The following ATPAF1 variants were observed in gnomAD, a reference collection of about 807,000 sequenced individuals.
ATPAF1 encodes homolog of yeast ATP11.
Under a neutral mutation model 43.9 loss-of-function variants are expected in ATPAF1, and 26 were observed. The ratio of observed to expected loss-of-function variants is 0.59; its 90% CI spans 0.43 to 0.82. The LOEUF (loss-of-function observed/expected upper bound fraction) is 0.82, where lower values mean the gene tolerates loss of function less well. ATPAF1 is among the 40% of genes least tolerant of loss of function. ATPAF1 has a pLI of 0.00. For missense variants in ATPAF1, 366 were observed against 435.0 expected (o/e 0.84, Z 1.41); for synonymous variants, 157 against 168.0 (o/e 0.93, Z 0.50).
intron 4 of ATPAF1, among the ~76,000 whole-genome samples, chr1:46,656,024 A>T (rs1486469550): frequency 1.3e-5 from 2 of 152,212 alleles, no homozygotes; most frequent in Non-Finnish European, 2.9e-5. Flanking sequence ...GTACTCAGAA[A>T]TGCTGGTTGA....
At chr1:46,646,086 G>C (rs566756819) in intron 6 of ATPAF1, among the ~76,000 whole-genome samples, 134 of 152,330 alleles carry the variant, frequency 8.8e-4, no homozygotes, top group African/African-American at 3.0e-3. Flanking sequence ...GAGGCAGGAG[G>C]ACTGATTGAG....
chr1:46,653,759 G>A lies in ATPAF1; in HGVS notation c.540+58C>T, dbSNP rs1676212279. The A allele has an allele frequency of 3.2e-6, 5 of 1,540,144 alleles. No homozygotes were observed. The Admixed American group carries it at 8.8e-5, about 27-fold the overall frequency. The stretch of plus-strand genomic sequence containing the variant: ...AAAAGTAAAGGCAACTGCCTGCTAA[G>A]GTTAGAGAACTGACTTTCATGTTGT... On this transcript the variant is annotated intron_variant, in intron 5 of 8. Coordinates refer to ENST00000574428, the Ensembl canonical transcript of ATPAF1. This position sits in a 1 kb window ranked among gnomAD's most constrained non-coding sequence, Gnocchi z 4.8.
intron 6 of ATPAF1, among the ~76,000 whole-genome samples, chr1:46,646,330 CTATT>C (rs1286859813): frequency 2.0e-5 from 3 of 152,206 alleles, no homozygotes; most frequent in African/African-American, 7.2e-5. Flanking sequence ...AAGTTTATCA[CTATT>C]TATCCTTCTC....
intron 6 of ATPAF1, among the ~76,000 whole-genome samples, chr1:46,645,518 G>A (rs1676027909): frequency 6.6e-6 from 1 of 151,172 alleles, no homozygotes; most frequent in Admixed American, 6.6e-5. Flanking sequence ...GCACCACTAA[G>A]CCTGGCTACT....
At chr1:46,644,237 T>C (rs1248206531) in intron 7 of ATPAF1, among the ~76,000 whole-genome samples, 1 of 152,182 alleles carries the variant, frequency 6.6e-6, no homozygotes, top group Non-Finnish European at 1.5e-5. Context: ...CACAATCCCA[T>C]AATGATTAAG....
intron 6 of ATPAF1, among the ~76,000 whole-genome samples, chr1:46,647,660 T>C (rs1676069463): frequency 6.6e-6 from 1 of 152,220 alleles, no homozygotes; most frequent in African/African-American, 2.4e-5. Context: ...TTGAGTTCTC[T>C]TGGGAAAATA....
intron 8 of ATPAF1, among the ~76,000 whole-genome samples, chr1:46,640,659 C>CAAAA (rs929266853): frequency 1.3e-5 from 2 of 151,834 alleles, no homozygotes; most frequent in South Asian, 2.1e-4. Flanking sequence ...AACAAACAAA[C>CAAAA]AAAAAAAGAG....
At chr1:46,642,336 T>C (rs1028159104) in intron 8 of ATPAF1, among the ~76,000 whole-genome samples, 25 of 152,332 alleles carry the variant, frequency 1.6e-4, no homozygotes, top group African/African-American at 6.0e-4. Context: ...GTGGGTGCTG[T>C]AATGAAGACT....
intron 6 of ATPAF1, among the ~76,000 whole-genome samples, chr1:46,645,786 T>C (rs933031655): frequency 1.3e-5 from 2 of 152,244 alleles, no homozygotes; most frequent in African/African-American, 4.8e-5. Context: ...TCTAATCCCA[T>C]CCCAGAGTTA....
chr1:46,644,065 T>C (rs1430261164), intron 7 of ATPAF1, among the ~76,000 whole-genome samples: 2 of 152,240 alleles, frequency 1.3e-5, no homozygotes, highest in Non-Finnish European at 2.9e-5. Flanking sequence ...TTCTTGAACA[T>C]ACTTCTAATG....
rs566501514 is a variant in ATPAF1 at position 46,642,798 on chromosome 1, G to A, written c.792+396C>T. ...TATAGATACTATATAACTATATTAT[G>A]TGACTCCCCATACTCAAACACATTA... On this transcript the variant is annotated intron_variant, in intron 8 of 8. Coordinates refer to ENST00000574428, the Ensembl canonical transcript of ATPAF1. 8.0e-4 allele frequency among the ~76,000 whole-genome samples: 122 copies of A among 152,220 alleles called. 1 individual carries two copies. The highest frequency in any genetic ancestry group is 1.3e-3 in the Non-Finnish European group (91 of 68,008).
intron 8 of ATPAF1, among the ~76,000 whole-genome samples, chr1:46,637,500 C>T (rs1258066): frequency 0.86 from 130,874 of 152,204 alleles, 58,591 homozygotes; most frequent in Non-Finnish European, 0.99. Flanking sequence ...CAGTTCTAGT[C>T]GGTCAGAGGT....
chr1:46,653,929 A>C lies in ATPAF1; in HGVS notation c.490-62T>G. Reference sequence around the variant, plus strand: ...GTAATCTTTTCAACATGTGCCAAGAAATGGTGACAGTTTTCATTGCTCAGA... The same window carrying C: ...GTAATCTTTTCAACATGTGCCAAGACATGGTGACAGTTTTCATTGCTCAGA... On this transcript the variant is annotated intron_variant, in intron 4 of 8. Transcript: ENST00000574428. This position sits in a 1 kb window ranked among gnomAD's most constrained non-coding sequence, Gnocchi z 4.8. 6.7e-7 allele frequency: 1 copy of C among 1,499,626 alleles called. No individual in the cohort carries two copies. The highest frequency in any genetic ancestry group is 1.4e-5 in the African/African-American group (1 of 72,424). The allele number at this position is 1,499,626 out of a possible 1,614,324, so 92.9% of individuals were successfully genotyped here.
rs570264302 is a variant in ATPAF1, at chr1:46,662,702, T to C, written c.375+2554A>G. Among the ~76,000 whole-genome samples, 38 of 152,256 alleles carry C rather than the reference T, an allele frequency of 2.5e-4. 1 individual carries two copies. The highest frequency in any genetic ancestry group is 7.0e-4 in the African/African-American group (29 of 41,572). The stretch of plus-strand genomic sequence containing the variant: ...TCAACCTCCCAAAGTGCTGGGATTA[T>C]AGGCGTGAGCCACTGCGCCTGGCAA... On this transcript the variant is annotated intron_variant, in intron 2 of 8. Transcript: ENST00000574428.
At chr1:46,636,731 TAA>T (rs111988234) in intron 8 of ATPAF1, among the ~76,000 whole-genome samples, 8 of 139,218 alleles carry the variant, frequency 5.7e-5, no homozygotes, top group Non-Finnish European at 4.7e-5. Context: ...GTGAGCCCCT[TAA>T]AAAAAAAAAA....
At chr1:46,649,405 C>T (rs1304408815) in intron 6 of ATPAF1, among the ~76,000 whole-genome samples, 1 of 152,114 alleles carries the variant, frequency 6.6e-6, no homozygotes, top group Non-Finnish European at 1.5e-5. Context: ...TATCTTTGTG[C>T]CAATACCATA....
intron 2 of ATPAF1, among the ~76,000 whole-genome samples, chr1:46,661,454 C>T (rs144754007): frequency 1.3e-5 from 2 of 152,304 alleles, no homozygotes; most frequent in Middle Eastern, 3.4e-3. Context: ...AAGGTTATTT[C>T]AGAAATGGGT....
chr1:46,662,086 G>A (rs1676400279), intron 2 of ATPAF1, among the ~76,000 whole-genome samples: 1 of 151,546 alleles, frequency 6.6e-6, no homozygotes, highest in Non-Finnish European at 1.5e-5. Flanking sequence ...AGTAGAGAAG[G>A]GGTTTCACCG....
At chr1:46,652,756 AT>A in intron 5 of ATPAF1, 128 bp from the exon 6 acceptor site, 1 of 806,426 alleles carries the variant, frequency 1.2e-6, no homozygotes, top group South Asian at 1.8e-5. Flanking sequence ...AAGTTTCATC[AT>A]TTTCAAATCA....
Sources: allele counts gnomAD v4.1 joint callset (sites outside exome capture counted in the v4.1 genomes callset), GRCh38; gene constraint gnomAD v4.1.1; non-coding constraint Gnocchi (gnomAD v3.1); transcripts MANE v1.5; gene names NCBI Gene and HGNC (gene_info 2026-07-23, HGNC 2026-07-21).